MCC: variants seen among roughly 807,000 people sequenced by gnomAD.
MCC encodes the protein MCC regulator of Wnt signaling pathway.
MCC carries 90 observed loss-of-function variants against 116.2 expected under a neutral mutation model. That is an observed-to-expected ratio of 0.77 (90% CI 0.65 to 0.92). The LOEUF (loss-of-function observed/expected upper bound fraction) is 0.92, where lower values mean the gene tolerates loss of function less well. Ranked by LOEUF, MCC falls within the 40% of genes least tolerant of loss-of-function variation. MCC has a pLI of 0.00. For synonymous variants in MCC, 578 were observed against 510.5 expected (o/e 1.13, Z -1.78); for missense variants, 1,516 against 1,312.2 (o/e 1.16, Z -2.40).
At chr5:113,293,645 C>CTTTAATTT (rs1367833478) in intron 3 of MCC, among the ~76,000 whole-genome samples, 1 of 152,158 alleles carries the variant, frequency 6.6e-6, no homozygotes, top group Admixed American at 6.5e-5. Context: ...TTTGATGTAG[C>CTTTAATTT]TTTAATTTCA....
chr5:113,048,876 C>A, intron 16 of MCC: 1 of 592,480 alleles, frequency 1.7e-6, no homozygotes, highest in South Asian at 2.0e-5. Context: ...TGAAAAGGTT[C>A]AACTATTACA....
intron 3 of MCC, among the ~76,000 whole-genome samples, chr5:113,199,227 G>A (rs947480360): frequency 2.0e-5 from 3 of 152,052 alleles, no homozygotes; most frequent in Middle Eastern, 6.8e-3. Flanking sequence ...GCAAGGACAG[G>A]TGTTAAGTGT....
At chr5:113,238,178 G>T (rs746349972) in intron 3 of MCC, among the ~76,000 whole-genome samples, 2 of 152,238 alleles carry the variant, frequency 1.3e-5, no homozygotes, top group South Asian at 2.1e-4. Context: ...CCAGGCTTTG[G>T]GGGTAGAGGC....
intron 12 of MCC, among the ~76,000 whole-genome samples, chr5:113,068,508 T>G (rs1398625732): frequency 6.6e-6 from 1 of 152,250 alleles, no homozygotes; most frequent in East Asian, 1.9e-4. Context: ...GTAGTCCCGC[T>G]GAGCCGGCAC....
intron 3 of MCC, among the ~76,000 whole-genome samples, chr5:113,161,774 AAG>A (rs1760501210): frequency 1.3e-5 from 2 of 152,350 alleles, no homozygotes; most frequent in South Asian, 4.1e-4. Context: ...ATTAAAGTGT[AAG>A]AGTTATCCAA....
At chr5:113,175,807 C>T (rs943286634) in intron 3 of MCC, among the ~76,000 whole-genome samples, 16 of 151,894 alleles carry the variant, frequency 1.1e-4, no homozygotes, top group African/African-American at 3.9e-4. Flanking sequence ...GAGTACTTTT[C>T]ATGAATATTT....
chr5:113,074,981 C>G (rs1754319082), intron 11 of MCC, among the ~76,000 whole-genome samples: 1 of 152,250 alleles, frequency 6.6e-6, no homozygotes, highest in Non-Finnish European at 1.5e-5. Context: ...TTCAGCCCAC[C>G]ACTGCACTGT....
At chr5:113,431,022 G>A (rs1770624562) in intron 1 of MCC, among the ~76,000 whole-genome samples, 1 of 152,176 alleles carries the variant, frequency 6.6e-6, no homozygotes, top group Non-Finnish European at 1.5e-5. Flanking sequence ...AGTGGCAACA[G>A]AGAAGTATGA....
rs768764331 is a variant in MCC, at chr5:113,053,850, G to T, written c.2323C>A (p.Leu775Met). ...ATGCTTTCCAGCTCCAGCATGGTCAGCTTGACCGCAGCCCTGTCATTCTTG... is the reference window on the plus strand; with the variant it reads ...ATGCTTTCCAGCTCCAGCATGGTCATCTTGACCGCAGCCCTGTCATTCTTG... ...QLKNDRAAVK[L>M]TMLELESIHI... The change falls in exon 15 of 19, where the codon CTG (leucine) becomes ATG (methionine). Residue 775 changes from leucine (L) to methionine (M), a missense_variant. By Grantham distance (15) the Leu-to-Met change is conservative. Coordinates refer to ENST00000408903, the MANE Select transcript of MCC (RefSeq NM_001085377.2). 1.9e-6 allele frequency: 3 copies of T among 1,614,108 alleles called. No homozygotes were observed. Among genetic ancestry groups the T allele is most frequent in the Non-Finnish European group, 2.5e-6 (3 of 1,180,018 alleles).
rs987017680 is a variant in MCC at position 113,166,581 on chromosome 5, G to A, written c.628-15159C>T. Among the ~76,000 whole-genome samples the A allele has an allele frequency of 1.1e-4, 17 of 151,716 alleles. No homozygotes were observed. In the East Asian group the frequency reaches 2.7e-3, roughly 24 times the overall value. ...ATGGATAAACAGGACTATAAGATCC[G>A]AAGACTCTGAGTCTTCGTAATAGAG... On this transcript the variant is annotated intron_variant, in intron 3 of 18. Transcript: ENST00000408903.
intron 3 of MCC, among the ~76,000 whole-genome samples, chr5:113,271,907 A>G (rs1028180309): frequency 1.3e-5 from 2 of 152,224 alleles, no homozygotes; most frequent in East Asian, 1.9e-4. Context: ...ATAAATTCCT[A>G]TTAATAAATT....
At chr5:113,222,140 G>A (rs1002025649) in intron 3 of MCC, among the ~76,000 whole-genome samples, 1 of 152,060 alleles carries the variant, frequency 6.6e-6, no homozygotes, top group Non-Finnish European at 1.5e-5. Flanking sequence ...ATGAATGCAT[G>A]TTACATTTTG....
chr5:113,373,616 G>A (rs978346721), intron 2 of MCC, among the ~76,000 whole-genome samples: 11 of 152,124 alleles, frequency 7.2e-5, no homozygotes, highest in African/African-American at 2.2e-4. Context: ...ACTCTTGTTC[G>A]CTCCTCATGG....
In MCC at chr5:113,345,064, A is replaced by C. The variant is rs376437857; in HGVS notation, c.416-4334T>G. Among the ~76,000 whole-genome samples, 11 of 152,182 alleles carry C rather than the reference A, an allele frequency of 7.2e-5. No homozygotes were observed. The South Asian group carries it at 1.9e-3, about 26-fold the overall frequency. On this transcript the variant is annotated intron_variant, in intron 2 of 18. Coordinates refer to ENST00000408903, the MANE Select transcript of MCC (RefSeq NM_001085377.2). ...GAAAGTGAGTCCCAGGCCTCACAGC[A>C]TTCACCAAAAGCTGACTGAAGAGCC...
At chr5:113,408,090 A>T (rs1769887618) in intron 1 of MCC, among the ~76,000 whole-genome samples, 1 of 152,202 alleles carries the variant, frequency 6.6e-6, no homozygotes, top group African/African-American at 2.4e-5. Flanking sequence ...CCCAGCAAAC[A>T]ACCTCAAATC....
chr5:113,242,801 A>C (rs574143657), intron 3 of MCC, among the ~76,000 whole-genome samples: 11 of 152,234 alleles, frequency 7.2e-5, no homozygotes, highest in African/African-American at 2.4e-4. Flanking sequence ...CATCTCACCA[A>C]AAGGAACAAA....
At position 113,027,221 on chromosome 5, in the gene MCC, A is replaced by G. The variant is rs917388677; in HGVS notation, c.*81T>C. The G allele has an allele frequency of 4.8e-6, 7 of 1,460,118 alleles. No homozygotes were observed. Among genetic ancestry groups the G allele is most frequent in the Admixed American group, 2.1e-5 (1 of 46,774 alleles). 90.4% of individuals were successfully genotyped at this position (1,460,118 alleles called of 1,614,324 possible). ...AGCCTTCCCTTTCCTCCTCCTCCCA[A>G]CAAGTACATGGGCCCTTCTGTCCCC... On this transcript the variant is annotated 3_prime_UTR_variant, in exon 19 of 19. Coordinates refer to ENST00000408903, the MANE Select transcript of MCC (RefSeq NM_001085377.2).
At chr5:113,470,248 C>T (rs1632333) in intron 1 of MCC, among the ~76,000 whole-genome samples, 109,716 of 151,858 alleles carry the variant, frequency 0.72, 40,078 homozygotes, top group East Asian at 0.88. Flanking sequence ...TTATTTTGCT[C>T]GTTAGTTGAT....
intron 2 of MCC, among the ~76,000 whole-genome samples, chr5:113,378,720 C>T (rs1581439173): frequency 6.6e-6 from 1 of 152,184 alleles, no homozygotes; most frequent in African/African-American, 2.4e-5. Context: ...TGAAGCACTG[C>T]CCCTTTCACA....
Sources: allele counts gnomAD v4.1 joint callset (sites outside exome capture counted in the v4.1 genomes callset), GRCh38; gene constraint gnomAD v4.1.1; transcripts MANE v1.5; gene names NCBI Gene and HGNC (gene_info 2026-07-23, HGNC 2026-07-21).